The following KCNIP4 variants were observed in gnomAD, a reference collection of about 807,000 sequenced individuals.
KCNIP4 encodes potassium voltage-gated channel interacting protein 4.
In KCNIP4, 12 loss-of-function variants were observed where a neutral mutation model predicts 34.0. The observed-to-expected ratio is 0.35, with a 90% CI of 0.23 to 0.57. The LOEUF (loss-of-function observed/expected upper bound fraction) is 0.57, where lower values mean the gene tolerates loss of function less well. Among genes scored for constraint, KCNIP4 ranks in the 20% least tolerant of loss-of-function variants. The pLI, the probability that KCNIP4 is intolerant of heterozygous loss-of-function variation, is 0.83. For synonymous variants in KCNIP4, 124 were observed against 102.2 expected, an observed-to-expected ratio of 1.21 and a Z score of -1.29; for missense variants, 238 against 311.7, an observed-to-expected ratio of 0.76 and a Z score of 1.78.
intron 3 of KCNIP4, among the ~76,000 whole-genome samples, chr4:20,787,401 A>C (rs1712149484): frequency 6.6e-6 from 1 of 152,198 alleles, no homozygotes; most frequent in South Asian, 2.1e-4. Flanking sequence ...ATACTGTATT[A>C]TATTTCTGAT....
chr4:21,512,345 T>C (rs1050496434), intron 1 of KCNIP4, among the ~76,000 whole-genome samples: 11 of 152,328 alleles, frequency 7.2e-5, no homozygotes, highest in Middle Eastern at 3.4e-3. Flanking sequence ...TGAAATACTA[T>C]TACTCCTTTA....
rs1176649240 is a variant in KCNIP4 at position 21,731,549 on chromosome 4, T to C, written c.61+217022A>G. ...GCCAGAAATCTCATGCTCATTTACATCCCCAAGTTATTATTAAATTAAGAT... is the reference window on the plus strand; with the variant it reads ...GCCAGAAATCTCATGCTCATTTACACCCCCAAGTTATTATTAAATTAAGAT... On this transcript the variant is annotated intron_variant, in intron 1 of 8. Transcript: ENST00000382152. Among the ~76,000 whole-genome samples, 6 of 152,128 alleles carry C rather than the reference T, an allele frequency of 3.9e-5. No individual in the cohort carries two copies. The East Asian group carries it at 1.2e-3, about 29-fold the overall frequency.
chr4:21,127,937 A>T (rs1486529660), intron 1 of KCNIP4, among the ~76,000 whole-genome samples: 1 of 152,346 alleles, frequency 6.6e-6, no homozygotes, highest in Non-Finnish European at 1.5e-5. Flanking sequence ...GCCTCAATCA[A>T]TATTTATAAC....
chr4:21,449,969 A>G (rs1168381354), intron 1 of KCNIP4, among the ~76,000 whole-genome samples: 1 of 152,144 alleles, frequency 6.6e-6, no homozygotes, highest in Non-Finnish European at 1.5e-5. Flanking sequence ...TCTTTTACTC[A>G]TTAGCCCCAG....
chr4:20,850,146 T>TC (rs1720847805), intron 3 of KCNIP4, among the ~76,000 whole-genome samples: 1 of 152,144 alleles, frequency 6.6e-6, no homozygotes. Flanking sequence ...GTAATTATCC[T>TC]CCAATTCCAG....
At chr4:21,013,997 T>G (rs1739289350) in intron 1 of KCNIP4, among the ~76,000 whole-genome samples, 1 of 152,180 alleles carries the variant, frequency 6.6e-6, no homozygotes, top group Non-Finnish European at 1.5e-5. Flanking sequence ...CTTACATAAA[T>G]GTTGATGTTC....
chr4:21,678,760 A>G (rs951122880), intron 1 of KCNIP4, among the ~76,000 whole-genome samples: 11 of 152,134 alleles, frequency 7.2e-5, no homozygotes, highest in African/African-American at 2.4e-4. Context: ...CTGATAGTCT[A>G]TCTTGACTAC....
chr4:21,689,299 T>C (rs1285442344), intron 1 of KCNIP4, among the ~76,000 whole-genome samples: 1 of 152,166 alleles, frequency 6.6e-6, no homozygotes, highest in African/African-American at 2.4e-5. Flanking sequence ...TTAGTGAAAA[T>C]TTAATTTGAA....
At position 21,733,131 on chromosome 4, in the gene KCNIP4, G is replaced by A. The variant is rs142391039; in HGVS notation, c.61+215440C>T. Among the ~76,000 whole-genome samples the A allele has an allele frequency of 8.8e-3, 1,332 of 152,188 alleles. 19 individuals are homozygous for A. Among genetic ancestry groups the A allele is most frequent in the South Asian group, 0.039 (187 of 4,826 alleles). ...ACTCATGGATGATTTTATCTGCTACGTCTTTGTGTTTTATACTTCTCTTCA... is the reference window on the plus strand; with the variant it reads ...ACTCATGGATGATTTTATCTGCTACATCTTTGTGTTTTATACTTCTCTTCA... On this transcript the variant is annotated intron_variant, in intron 1 of 8. Transcript: ENST00000382152.
intron 1 of KCNIP4, chr4:20,983,728 T>TATTA (rs1736317572): frequency 1.0e-5 from 11 of 1,091,232 alleles, no homozygotes; most frequent in Non-Finnish European, 1.5e-5. Context: ...TTACTTTGAG[T>TATTA]ATTAAGGCTT....
chr4:21,723,668 A>G (rs999200488), intron 1 of KCNIP4, among the ~76,000 whole-genome samples: 2 of 152,114 alleles, frequency 1.3e-5, no homozygotes, highest in Non-Finnish European at 2.9e-5. Flanking sequence ...ATACACGTAA[A>G]TTCCTAGCCA....
At chr4:21,414,190 C>T (rs1478303252) in intron 1 of KCNIP4, among the ~76,000 whole-genome samples, 1 of 151,754 alleles carries the variant, frequency 6.6e-6, no homozygotes, top group Non-Finnish European at 1.5e-5. Context: ...GGTTTTATTG[C>T]AATTATAGGC....
intron 1 of KCNIP4, among the ~76,000 whole-genome samples, chr4:21,118,392 T>C (rs1749866545): frequency 6.6e-6 from 1 of 152,038 alleles, no homozygotes; most frequent in South Asian, 2.1e-4. Context: ...TTAATTATGC[T>C]CCCCAAAGCA....
chr4:21,167,202 A>G (rs1753696231), intron 1 of KCNIP4, among the ~76,000 whole-genome samples: 1 of 152,076 alleles, frequency 6.6e-6, no homozygotes, highest in Non-Finnish European at 1.5e-5. Flanking sequence ...TTTCCTGGGG[A>G]AGGTGGTGAG....
At chr4:20,961,092 T>A (rs1321940416) in intron 1 of KCNIP4, among the ~76,000 whole-genome samples, 2 of 152,160 alleles carry the variant, frequency 1.3e-5, no homozygotes, top group Admixed American at 1.3e-4. Context: ...TAATTAAATA[T>A]GAATTTCTTG....
chr4:21,500,734 T>C (rs558852085), intron 1 of KCNIP4, among the ~76,000 whole-genome samples: 1 of 152,154 alleles, frequency 6.6e-6, no homozygotes, highest in Non-Finnish European at 1.5e-5. Context: ...TGACTCTTCA[T>C]ATGAGCTGAT....
chr4:21,044,162 T>G (rs867641006), intron 1 of KCNIP4, among the ~76,000 whole-genome samples: 55 of 152,172 alleles, frequency 3.6e-4, no homozygotes, highest in African/African-American at 1.2e-3. Flanking sequence ...GTATCCATTC[T>G]GCTCACTCTC....
At chr4:21,421,117 T>G (rs1322789037) in intron 1 of KCNIP4, among the ~76,000 whole-genome samples, 1 of 152,086 alleles carries the variant, frequency 6.6e-6, no homozygotes, top group Non-Finnish European at 1.5e-5. Context: ...ATGGCTATTA[T>G]CAAAAAGAGA....
chr4:21,469,942 T>C (rs1730321223), intron 1 of KCNIP4, among the ~76,000 whole-genome samples: 1 of 152,212 alleles, frequency 6.6e-6, no homozygotes, highest in Non-Finnish European at 1.5e-5. Flanking sequence ...AAATAATCCA[T>C]AACTTTTGGG....
Sources: allele counts gnomAD v4.1 joint callset (sites outside exome capture counted in the v4.1 genomes callset), GRCh38; gene constraint gnomAD v4.1.1; transcripts MANE v1.5; gene names NCBI Gene and HGNC (gene_info 2026-07-23, HGNC 2026-07-21).